Variants in ANK1 observed in about 807,000 individuals in gnomAD.
ANK1 encodes the protein ankyrin-1.
Under a neutral mutation model 210.4 loss-of-function variants are expected in ANK1, and 51 were observed. The ratio of observed to expected loss-of-function variants is 0.24; its 90% confidence interval spans 0.19 to 0.31. The LOEUF (loss-of-function observed/expected upper bound fraction) is 0.31, where lower values mean the gene tolerates loss of function less well. Among genes scored for constraint, ANK1 ranks in the 10% least tolerant of loss-of-function variants. The pLI is 1.00. For missense variants in ANK1, 2,051 were observed against 2,504.4 expected (o/e 0.82, Z 3.86); for synonymous variants, 967 against 1,025.9 (o/e 0.94, Z 1.10).
At chr8:41,864,890 A>G (rs1356033744) in intron 1 of ANK1, among the ~76,000 whole-genome samples, 2 of 152,254 alleles carry the variant, frequency 1.3e-5, no homozygotes, top group African/African-American at 4.8e-5. Flanking sequence ...AGCATTTCAC[A>G]GCCCAAACAA....
At chr8:41,732,391 A>G (rs1386678470) in intron 3 of ANK1, among the ~76,000 whole-genome samples, 1 of 152,184 alleles carries the variant, frequency 6.6e-6, no homozygotes, top group Non-Finnish European at 1.5e-5. Flanking sequence ...GAGTTAGCAA[A>G]TGGAGATGAT....
At chr8:41,860,163 C>T (rs1458147850) in intron 1 of ANK1, among the ~76,000 whole-genome samples, 4 of 152,182 alleles carry the variant, frequency 2.6e-5, no homozygotes, top group African/African-American at 9.7e-5. Context: ...GCTAGATGGA[C>T]ATTTAAAAAT....
chr8:41,767,579 C>G (rs1311081050), intron 1 of ANK1, among the ~76,000 whole-genome samples: 2 of 152,192 alleles, frequency 1.3e-5, no homozygotes, highest in African/African-American at 4.8e-5. Context: ...CATTTTCTCT[C>G]CATGATTATG....
intron 1 of ANK1, among the ~76,000 whole-genome samples, chr8:41,883,847 C>T (rs1818003711): frequency 1.3e-5 from 2 of 152,172 alleles, no homozygotes. Context: ...ACAGGACAGT[C>T]AAGAGGACTG....
intron 1 of ANK1, among the ~76,000 whole-genome samples, chr8:41,758,486 C>T (rs544341309): frequency 1.3e-5 from 2 of 152,168 alleles, no homozygotes; most frequent in Non-Finnish European, 2.9e-5. Context: ...GTGTGTACCA[C>T]CAAGCCCAAC....
chr8:41,771,050 C>T (rs1441146234), intron 1 of ANK1, among the ~76,000 whole-genome samples: 1 of 152,204 alleles, frequency 6.6e-6, no homozygotes, highest in Non-Finnish European at 1.5e-5. Flanking sequence ...GTGCTAAACA[C>T]AGTGATTACT....
intron 2 of ANK1, among the ~76,000 whole-genome samples, chr8:41,744,077 A>C (rs1835456816): frequency 6.6e-6 from 1 of 152,218 alleles, no homozygotes; most frequent in African/African-American, 2.4e-5. Context: ...GACATGTCAA[A>C]GGATGAAGAA....
chr8:41,892,702 AG>A (rs1273987486), intron 1 of ANK1, among the ~76,000 whole-genome samples: 4 of 152,192 alleles, frequency 2.6e-5, no homozygotes, highest in African/African-American at 9.7e-5. Flanking sequence ...TGCCCCCAAA[AG>A]ACAGTCAGTC....
chr8:41,704,152 C>T lies in ANK1; in HGVS notation c.2197-13G>A. ...GGCTGTATCCTAGCTGCAAAGTGAGCAGACATTTAGGCAGGGTTAGCCAGC... is the reference window on the plus strand; with the variant it reads ...GGCTGTATCCTAGCTGCAAAGTGAGTAGACATTTAGGCAGGGTTAGCCAGC... On this transcript the variant is annotated splice_polypyrimidine_tract_variant and intron_variant, in intron 19 of 42. Coordinates refer to ENST00000289734, the MANE Select transcript of ANK1 (RefSeq NM_000037.4). The surrounding 1 kb of genome is among the most constrained non-coding windows in gnomAD (Gnocchi z 4.1). 2 of 1,612,646 alleles carry T rather than the reference C, an allele frequency of 1.2e-6. No individual in the cohort carries two copies. The highest frequency in any genetic ancestry group is 1.7e-6 in the Non-Finnish European group (2 of 1,179,162).
At position 41,694,540 on chromosome 8, in the gene ANK1, A is replaced by G; in HGVS notation, c.3327+52T>C. The stretch of plus-strand genomic sequence containing the variant: ...CTGGGGAAGAGGGTGGCCTTCCCGG[A>G]GGCCTGGAGTTCAGTCCACCCCCAG... On this transcript the variant is annotated intron_variant, in intron 28 of 42. Transcript: ENST00000289734. The surrounding 1 kb of genome is among the most constrained non-coding windows in gnomAD (Gnocchi z 5.7). The G allele has an allele frequency of 6.4e-7, 1 of 1,555,118 alleles. No homozygotes were observed. The highest frequency in any genetic ancestry group is 8.8e-7 in the Non-Finnish European group (1 of 1,136,370).
intron 1 of ANK1, among the ~76,000 whole-genome samples, chr8:41,787,031 C>A (rs940732654): frequency 6.6e-6 from 1 of 152,178 alleles, no homozygotes; most frequent in Admixed American, 6.5e-5. Flanking sequence ...TTTTCCACTC[C>A]ACATGTATTT....
intron 1 of ANK1, among the ~76,000 whole-genome samples, chr8:41,779,752 C>T (rs924329747): frequency 5.3e-5 from 8 of 152,194 alleles, no homozygotes; most frequent in Non-Finnish European, 1.0e-4. Flanking sequence ...AAGTGGAAAA[C>T]AGGGCACAGA....
rs533885523 is a variant in ANK1, at chr8:41,890,695, C to T, written c.126+5660G>A. Among the ~76,000 whole-genome samples the T allele has an allele frequency of 2.6e-3, 336 of 129,184 alleles. 5 individuals are homozygous for T. The highest frequency in any genetic ancestry group is 7.4e-4 in the Non-Finnish European group (48 of 65,160). 84.7% of individuals were successfully genotyped at this position (129,184 alleles called of 152,430 possible). The stretch of plus-strand genomic sequence containing the variant: ...CTATACTCCAGCCTGGGTGACAGAG[C>T]GAGACTCCGTCTCAAAAAAAAAAAA... On this transcript the variant is annotated intron_variant, in intron 1 of 42. Coordinates refer to the ANK1 transcript ENST00000265709.
Position 41,717,121 on chromosome 8 carries a change from G to A in ANK1, c.1306-70C>T, listed in dbSNP as rs187851295. 30 of 1,553,190 alleles carry A rather than the reference G, an allele frequency of 1.9e-5. 1 individual carries two copies. The East Asian group carries it at 6.1e-4, about 31-fold the overall frequency. On this transcript the variant is annotated intron_variant, in intron 12 of 42. Coordinates refer to ENST00000289734, the MANE Select transcript of ANK1 (RefSeq NM_000037.4). The stretch of plus-strand genomic sequence containing the variant: ...TCCAAAACGGCACACACAGAGCTAG[G>A]AAGTGCAGTCTGGAGTGGCTTGGTG...
chr8:41,696,200 G>A (rs1245858038), intron 26 of ANK1, among the ~76,000 whole-genome samples, 163 bp downstream of exon 26: 1 of 152,228 alleles, frequency 6.6e-6, no homozygotes, highest in Admixed American at 6.5e-5. Flanking sequence ...TGAGATCTGA[G>A]AGTTGTAAGC....
rs1038992253 is a variant in ANK1 at position 41,694,906 on chromosome 8, C to G, written c.3116-103G>C. 7.1e-6 allele frequency: 9 copies of G among 1,273,354 alleles called. No homozygotes were observed. The highest frequency in any genetic ancestry group is 1.5e-5 in the African/African-American group (1 of 68,172). 78.9% of individuals were successfully genotyped at this position (1,273,354 alleles called of 1,614,324 possible). ...TTGTCCCCAAGACCCAGTGCACACA[C>G]CCTCCCCAGGTGCCGGGCGGCATAG... On this transcript the variant is annotated intron_variant, in intron 27 of 42. Transcript: ENST00000289734. The surrounding 1 kb of genome is among the most constrained non-coding windows in gnomAD (Gnocchi z 5.7).
intron 2 of ANK1, among the ~76,000 whole-genome samples, chr8:41,735,893 AT>A (rs1339116525): frequency 2.6e-5 from 4 of 152,150 alleles, no homozygotes; most frequent in Non-Finnish European, 5.9e-5. Context: ...CCTACCTCCT[AT>A]TTAGGTCAGG....
At position 41,724,534 on chromosome 8, in the gene ANK1, G is replaced by A. The variant is rs935182782; in HGVS notation, c.633C>T (p.His211=). 1.3e-6 allele frequency: 2 copies of A among 1,597,328 alleles called. No individual in the cohort carries two copies. Among genetic ancestry groups the A allele is most frequent in the African/African-American group, 2.7e-5 (2 of 74,822 alleles). The change falls in exon 7 of 43, where the codon CAC becomes CAT. Residue 211 remains histidine (H), a synonymous_variant. Transcript: ENST00000289734. ...TGAGGTTCTCGTAGTGAGCCGCAAT[G>A]TGCAGGGGCGTGAATCCCGTCTGGG... ...VLSKTGFTPL[H]IAAHYENLNV...
intron 1 of ANK1, among the ~76,000 whole-genome samples, chr8:41,766,732 G>A (rs1293960552): frequency 6.6e-6 from 1 of 152,206 alleles, no homozygotes; most frequent in African/African-American, 2.4e-5. Flanking sequence ...TTGCTAAAAT[G>A]GGGATCTTGC....
Sources: allele counts gnomAD v4.1 joint callset (sites outside exome capture counted in the v4.1 genomes callset), GRCh38; gene constraint gnomAD v4.1.1; non-coding constraint Gnocchi (gnomAD v3.1); transcripts MANE v1.5; gene names NCBI Gene and HGNC (gene_info 2026-07-23, HGNC 2026-07-21).